Variants in SLC9B1 observed in about 807,000 individuals in gnomAD.
SLC9B1 encodes solute carrier family 9 member B1.
In SLC9B1, 32 loss-of-function variants were observed where a neutral mutation model predicts 51.7. The observed-to-expected ratio is 0.62, with a 90% CI of 0.47 to 0.83. The LOEUF (loss-of-function observed/expected upper bound fraction) is 0.83. Ranked by LOEUF, SLC9B1 falls within the 40% of genes least tolerant of loss-of-function variation. The pLI, the probability that SLC9B1 is intolerant of heterozygous loss-of-function variation, is 0.00. For missense variants in SLC9B1, 406 were observed against 613.2 expected (o/e 0.66, Z 3.57); for synonymous variants, 145 against 212.7 (o/e 0.68, Z 2.77).
chr4:102,982,783 C>A (rs1295007355), intron 3 of SLC9B1, among the ~76,000 whole-genome samples: 1 of 152,010 alleles, frequency 6.6e-6, no homozygotes, highest in African/African-American at 2.4e-5. Flanking sequence ...GTTTTTTTTA[C>A]ATGATTCTTT....
intron 7 of SLC9B1, among the ~76,000 whole-genome samples, chr4:102,925,811 C>A (rs566930062): frequency 6.6e-6 from 1 of 152,076 alleles, no homozygotes; most frequent in Non-Finnish European, 1.5e-5. Context: ...AATTTTAGAC[C>A]AATATCCCTG....
At chr4:102,958,546 C>T (rs1737921515) in intron 3 of SLC9B1, among the ~76,000 whole-genome samples, 1 of 152,040 alleles carries the variant, frequency 6.6e-6, no homozygotes. Context: ...AGCTACTTGA[C>T]AGGCAAAGGT....
In SLC9B1 at chr4:102,919,758, C is replaced by T. The variant is rs1476339351; in HGVS notation, c.830-8221G>A. ...ACTAGCAGACAAGATGATTCTCTCC[C>T]GTGCCTGGCTCAGCGGGTCCCACAC... is the stretch of plus-strand genomic sequence containing the variant. On this transcript the variant is annotated intron_variant, in intron 7 of 11. Transcript: ENST00000296422. Among the ~76,000 whole-genome samples, 9 of 152,300 alleles carry T rather than the reference C, an allele frequency of 5.9e-5. No homozygotes were observed. In the East Asian group the frequency reaches 9.6e-4, roughly 16 times the overall value.
chr4:102,904,026 T>A (rs1734908379), intron 11 of SLC9B1, among the ~76,000 whole-genome samples: 1 of 152,042 alleles, frequency 6.6e-6, no homozygotes, highest in African/African-American at 2.4e-5. Flanking sequence ...AGGAAAAGTA[T>A]TTTTTAAAAA....
chr4:102,902,090 T>C (rs574097986), intron 11 of SLC9B1, among the ~76,000 whole-genome samples: 1 of 152,318 alleles, frequency 6.6e-6, no homozygotes, highest in African/African-American at 2.4e-5. Context: ...CGTTTTAGAA[T>C]GACTGTACTG....
rs1740217912 is a variant in SLC9B1, at chr4:102,996,373, G to GGT, written c.-1-4662_-1-4661insAC. On this transcript the variant is annotated intron_variant, in intron 1 of 11. Transcript: ENST00000296422. ...TACGCTGATAATACCTTTTTTAAAA[G>GGT]ATACTTTAATTTGGCCCAATTTATT... Among the ~76,000 whole-genome samples the GGT allele has an allele frequency of 5.9e-5, 9 of 152,208 alleles. No homozygotes were observed. The South Asian group carries it at 1.9e-3, about 32-fold the overall frequency.
chr4:103,011,550 C>A (rs1396741888), intron 1 of SLC9B1, among the ~76,000 whole-genome samples: 3 of 152,182 alleles, frequency 2.0e-5, no homozygotes, highest in Non-Finnish European at 4.4e-5. Flanking sequence ...CTTGTAGGCA[C>A]TGCCCTAGTG....
At chr4:102,921,224 C>T (rs1168649867) in intron 7 of SLC9B1, among the ~76,000 whole-genome samples, 2 of 152,144 alleles carry the variant, frequency 1.3e-5, no homozygotes, top group African/African-American at 2.4e-5. Context: ...CAGCAGAAAC[C>T]CTGCAAGCCA....
chr4:102,918,420 C>T (rs1219007106), intron 7 of SLC9B1, among the ~76,000 whole-genome samples: 1 of 152,104 alleles, frequency 6.6e-6, no homozygotes, highest in Non-Finnish European at 1.5e-5. Flanking sequence ...TCCCAGCAAA[C>T]CAAATACCTG....
intron 3 of SLC9B1, among the ~76,000 whole-genome samples, chr4:102,976,193 A>C (rs1739062602): frequency 1.3e-5 from 2 of 152,340 alleles, no homozygotes; most frequent in South Asian, 4.1e-4. Context: ...TTTGGTTAAT[A>C]CACTTAGTCA....
exon 12 of SLC9B1, chr4:102,885,199 C>T (rs554973807): frequency 1.3e-6 from 2 of 1,595,116 alleles, no homozygotes; most frequent in African/African-American, 1.3e-5. Context: ...CAGATTCTGA[C>T]ACATCTACAT....
At position 103,000,647 on chromosome 4, in the gene SLC9B1, A is replaced by G. The variant is rs941447575; in HGVS notation, c.-1-8935T>C. 2.6e-5 allele frequency among the ~76,000 whole-genome samples: 4 copies of G among 152,258 alleles called. No individual in the cohort carries two copies. The South Asian group carries it at 8.3e-4, about 32-fold the overall frequency. ...CATTAAACCTTAAAGCTCCAAAATA[A>G]TCTCCTTTGACTCCATGTCTCACAT... On this transcript the variant is annotated intron_variant, in intron 1 of 11. Transcript: ENST00000296422.
chr4:102,991,938 T>G (rs1739964474), intron 1 of SLC9B1, among the ~76,000 whole-genome samples: 2 of 152,138 alleles, frequency 1.3e-5, no homozygotes, highest in Admixed American at 6.5e-5. Context: ...CATACAGAAA[T>G]GTAATATTTC....
At chr4:102,907,530 C>G (rs1735113999) in intron 9 of SLC9B1, among the ~76,000 whole-genome samples, 1 of 152,244 alleles carries the variant, frequency 6.6e-6, no homozygotes, top group Non-Finnish European at 1.5e-5. Context: ...CATTTAACTG[C>G]CTACCCAGCT....
intron 11 of SLC9B1, chr4:102,892,575 T>C (rs1210283084): frequency 6.6e-6 from 1 of 152,234 alleles, no homozygotes; most frequent in African/African-American, 2.4e-5. Context: ...TGCTTGATTC[T>C]TCGCTTACAA....
rs113671249 is a variant in SLC9B1 at position 102,938,645 on chromosome 4, T to A, written c.654-6346A>T. On this transcript the variant is annotated intron_variant, in intron 6 of 11. Coordinates refer to ENST00000296422, the MANE Select transcript of SLC9B1 (RefSeq NM_139173.4). ...AGTCTAAAATTATTTTCAATAAATT[T>A]AAGAAAACCCCTGAAATCAGGCCAA... Among the ~76,000 whole-genome samples the A allele has an allele frequency of 2.0e-3, 298 of 152,172 alleles. 5 individuals are homozygous for A. The highest frequency in any genetic ancestry group is 7.0e-3 in the African/African-American group (291 of 41,514).
At chr4:102,897,931 C>T (rs115027420), downstream of SLC9B1, 582 of 363,286 alleles carry the variant, frequency 1.6e-3, 2 homozygotes, top group African/African-American at 9.2e-3. Flanking sequence ...CCCAAGTTAC[C>T]GTGCAGCAGC....
intron 7 of SLC9B1, among the ~76,000 whole-genome samples, chr4:102,921,615 C>A (rs184733733): frequency 6.6e-6 from 1 of 152,132 alleles, no homozygotes; most frequent in Non-Finnish European, 1.5e-5. Context: ...CACAGACTGG[C>A]AAACTGGATA....
At chr4:102,900,642 C>A (rs1328426787), downstream of SLC9B1, among the ~76,000 whole-genome samples, 1 of 152,072 alleles carries the variant, frequency 6.6e-6, no homozygotes, top group Non-Finnish European at 1.5e-5. Context: ...ATTTAGTTAA[C>A]CCATTTAAAG....
Sources: gnomAD v4.1 joint callset for allele counts (sites outside exome capture counted in the v4.1 genomes callset) on GRCh38, gnomAD v4.1.1 for gene constraint, MANE v1.5 for transcripts, NCBI Gene and HGNC (gene_info 2026-07-23, HGNC 2026-07-21) for gene names.